ELP3: variants seen among roughly 807,000 people sequenced by gnomAD.
ELP3 encodes the protein elongator complex protein 3.
In ELP3, 56 loss-of-function variants were observed where a neutral mutation model predicts 74.9. The ratio of observed to expected loss-of-function variants is 0.75; its 90% CI spans 0.60 to 0.93. The LOEUF (loss-of-function observed/expected upper bound fraction) is 0.93. ELP3 is among the 40% of genes least tolerant of loss of function. The pLI is 0.00. For synonymous variants in ELP3, 222 were observed against 239.8 expected (o/e 0.93, Z 0.68); for missense variants, 573 against 686.5 (o/e 0.83, Z 1.85).
intron 5 of ELP3, among the ~76,000 whole-genome samples, chr8:28,108,457 C>CTTTTTTT (rs33948469): frequency 6.8e-5 from 8 of 117,558 alleles, no homozygotes; most frequent in Non-Finnish European, 1.0e-4. Flanking sequence ...ATTTTTTTTT[C>CTTTTTTT]TTTTTTTTTT....
intron 8 of ELP3, 141 bp from the exon 9 acceptor site, chr8:28,132,131 ATGATTT>A (rs1585683723): frequency 1.4e-6 from 1 of 740,586 alleles, no homozygotes; most frequent in Non-Finnish European, 2.2e-6. Context: ...CCCCAGCCAT[ATGATTT>A]TGGTTATGGA....
At chr8:28,140,882 G>C (rs1023409655) in intron 10 of ELP3, among the ~76,000 whole-genome samples, 2 of 152,134 alleles carry the variant, frequency 1.3e-5, no homozygotes, top group Non-Finnish European at 2.9e-5. Flanking sequence ...CAGTGTTCAT[G>C]AATCAACAAT....
At chr8:28,099,322 C>G (rs770915169) in intron 2 of ELP3, among the ~76,000 whole-genome samples, 5 of 151,826 alleles carry the variant, frequency 3.3e-5, no homozygotes, top group Non-Finnish European at 7.4e-5. Flanking sequence ...AGTTGTCAAC[C>G]AGGGGTGATT....
chr8:28,110,524 A>C, intron 6 of ELP3, 86 bp downstream of exon 6: 1 of 1,174,884 alleles, frequency 8.5e-7, no homozygotes, highest in Middle Eastern at 2.0e-4. Context: ...ATTGAACCTG[A>C]AATAAGAATG....
Position 28,122,589 on chromosome 8 carries a change from G to A in ELP3, c.618-6913G>A, listed in dbSNP as rs560970942. 6.6e-5 allele frequency among the ~76,000 whole-genome samples: 10 copies of A among 152,182 alleles called. No homozygotes were observed. In the East Asian group the frequency reaches 1.9e-3, roughly 29 times the overall value. On this transcript the variant is annotated intron_variant, in intron 7 of 14. Coordinates refer to ENST00000256398, the MANE Select transcript of ELP3 (RefSeq NM_018091.6). ...TTGTCAAACATTTTGGTATTATGTTGCCTTATTAGGCTTTTAACATCTGTG... is the reference window on the plus strand; with the variant it reads ...TTGTCAAACATTTTGGTATTATGTTACCTTATTAGGCTTTTAACATCTGTG...
At chr8:28,172,748 T>C (rs1563287499) in intron 14 of ELP3, among the ~76,000 whole-genome samples, 1 of 152,102 alleles carries the variant, frequency 6.6e-6, no homozygotes, top group Non-Finnish European at 1.5e-5. Flanking sequence ...TTTTTCACAA[T>C]TGAGCATGAT....
intron 14 of ELP3, among the ~76,000 whole-genome samples, chr8:28,176,997 G>T (rs958952040): frequency 4.6e-5 from 7 of 152,168 alleles, no homozygotes; most frequent in African/African-American, 1.7e-4. Context: ...AGTTACCATG[G>T]TAGTATCTAT....
intron 6 of ELP3, 123 bp downstream of exon 6, chr8:28,110,561 T>G (rs1811877279): frequency 2.4e-6 from 2 of 825,130 alleles, no homozygotes; most frequent in African/African-American, 3.5e-5. Flanking sequence ...TCTTTGTAAG[T>G]TTTCAATATC....
upstream of ELP3, chr8:28,093,007 A>AG (rs1256589326): frequency 2.7e-6 from 2 of 748,644 alleles, no homozygotes; most frequent in African/African-American, 1.7e-5. Flanking sequence ...ATCGCAGCCT[A>AG]GGGGCCTCAC....
intron 2 of ELP3, 70 bp downstream of exon 2, chr8:28,097,388 C>G (rs182385725): frequency 1.7e-4 from 171 of 991,560 alleles, no homozygotes; most frequent in Non-Finnish European, 2.5e-4. Context: ...TTATCTAGTA[C>G]TACTTGTTTT....
chr8:28,109,482 T>C (rs1338674685), intron 5 of ELP3, among the ~76,000 whole-genome samples: 3 of 152,188 alleles, frequency 2.0e-5, no homozygotes, highest in African/African-American at 7.2e-5. Flanking sequence ...TTCCTCCCCA[T>C]CCTTCAGGGA....
intron 14 of ELP3, among the ~76,000 whole-genome samples, chr8:28,164,525 G>C (rs879535724): frequency 6.6e-6 from 1 of 152,118 alleles, no homozygotes; most frequent in Non-Finnish European, 1.5e-5. Context: ...TGGGACTCTA[G>C]TGAGTTCAGA....
chr8:28,112,587 T>C (rs1311150375), intron 6 of ELP3: 1 of 152,814 alleles, frequency 6.5e-6, no homozygotes, highest in Non-Finnish European at 1.5e-5. Context: ...ATCCTTATTA[T>C]GTTACATAAT....
intron 14 of ELP3, among the ~76,000 whole-genome samples, chr8:28,188,378 T>A (rs7815956): frequency 1.7e-5 from 2 of 121,160 alleles, no homozygotes; most frequent in Admixed American, 1.5e-4. Context: ...TTTGTTCTAA[T>A]CTGGTGACTC....
chr8:28,167,204 G>A (rs1814339474), intron 14 of ELP3, among the ~76,000 whole-genome samples: 1 of 152,128 alleles, frequency 6.6e-6, no homozygotes, highest in Admixed American at 6.6e-5. Context: ...TAATCATGAT[G>A]GTCTTAGTTA....
At chr8:28,183,916 C>T (rs527572454) in intron 14 of ELP3, among the ~76,000 whole-genome samples, 76 of 152,294 alleles carry the variant, frequency 5.0e-4, no homozygotes, top group African/African-American at 1.7e-3. Context: ...GCTGAGGGCT[C>T]GGAGACGGTC....
Position 28,158,711 on chromosome 8 carries a change from C to G in ELP3, c.1257+78C>G. On this transcript the variant is annotated intron_variant, in intron 12 of 14. Transcript: ENST00000256398. ...AACCCTGGGCCCACATATTCTTAAC[C>G]AAGGACAGAGCCCCAGGAGTGAATA... The G allele has an allele frequency of 3.5e-6, 4 of 1,155,942 alleles. No homozygotes were observed. In the South Asian group the frequency reaches 5.0e-5, roughly 14 times the overall value. The allele number at this position is 1,155,942 out of a possible 1,614,324, so 71.6% of individuals were successfully genotyped here.
chr8:28,116,809 A>G (rs1009758257), intron 7 of ELP3, among the ~76,000 whole-genome samples: 15 of 152,246 alleles, frequency 9.9e-5, no homozygotes, highest in Non-Finnish European at 2.1e-4. Context: ...GAAGTCTTCA[A>G]ACTTTAGAGG....
intron 14 of ELP3, among the ~76,000 whole-genome samples, chr8:28,170,138 A>G (rs1464398720): frequency 6.6e-6 from 1 of 152,206 alleles, no homozygotes; most frequent in Non-Finnish European, 1.5e-5. Flanking sequence ...ACCACAATGT[A>G]TCTTCTGCCT....
Sources: allele counts gnomAD v4.1 joint callset (sites outside exome capture counted in the v4.1 genomes callset), GRCh38; gene constraint gnomAD v4.1.1; transcripts MANE v1.5; gene names NCBI Gene and HGNC (gene_info 2026-07-23, HGNC 2026-07-21).